The following MAN1B1 variants were observed in gnomAD, a reference collection of about 807,000 sequenced individuals.
MAN1B1 encodes endoplasmic reticulum mannosyl-oligosaccharide 1,2-alpha-mannosidase.
A neutral mutation model predicts 75.5 loss-of-function variants in MAN1B1; 66 were observed. The ratio of observed to expected loss-of-function variants is 0.87; its 90% CI spans 0.72 to 1.07. MAN1B1 has a LOEUF of 1.07. Ranked by LOEUF, MAN1B1 falls within the 50% of genes least tolerant of loss-of-function variation. The probability of loss-of-function intolerance (pLI) is 0.00; values close to 1 mark genes in which losing one functional copy is unlikely to be tolerated. For synonymous variants in MAN1B1, 453 were observed against 382.8 expected (o/e 1.18, Z -2.14); for missense variants, 973 against 912.5 (o/e 1.07, Z -0.85).
chr9:137,101,237 C>T, intron 7 of MAN1B1, 84 bp downstream of exon 7: 1 of 1,533,146 alleles, frequency 6.5e-7, no homozygotes, highest in Admixed American at 1.7e-5. Flanking sequence ...GGGGACGTGA[C>T]TGTCTTCCTG....
Position 137,101,586 on chromosome 9 carries a change from A to G in MAN1B1, c.1168A>G (p.Thr390Ala), listed in dbSNP as rs775798237. The G allele has an allele frequency of 1.9e-6, 3 of 1,613,818 alleles. No homozygotes were observed. The highest frequency in any genetic ancestry group is 2.5e-6 in the Non-Finnish European group (3 of 1,180,040). ...GTGVAHPPRW[T>A]SDSTVAEVTS... is the part of the protein sequence containing the mutation. ...TGGAGTTGCCCACCCGCCACGGTGGACCTCCGACAGCACTGTGGCCGAGGT... is the reference window on the plus strand; with the variant it reads ...TGGAGTTGCCCACCCGCCACGGTGGGCCTCCGACAGCACTGTGGCCGAGGT... The change falls in exon 8 of 13, where the codon ACC becomes GCC. Residue 390 changes from threonine (T) to alanine (A), a missense_variant. Coordinates refer to ENST00000371589, the MANE Select transcript of MAN1B1 (RefSeq NM_016219.5).
intron 1 of MAN1B1, chr9:137,087,519 C>G (rs1038169674): frequency 2.1e-5 from 13 of 614,728 alleles, no homozygotes; most frequent in South Asian, 2.0e-4. Flanking sequence ...GGCGCCTGCC[C>G]CTCTTGGAGC....
chr9:137,093,666 TAA>T (rs1830574717), intron 3 of MAN1B1, among the ~76,000 whole-genome samples: 1 of 151,818 alleles, frequency 6.6e-6, no homozygotes, highest in Non-Finnish European at 1.5e-5. Context: ...CCGTCTCTAC[TAA>T]AAATACAAAA....
chr9:137,101,523 C>A lies in MAN1B1; in HGVS notation c.1105C>A (p.Pro369Thr). The change falls in exon 8 of 13, where the codon CCA becomes ACA. Residue 369 changes from proline (P) to threonine (T), a missense_variant. Coordinates refer to ENST00000371589, the MANE Select transcript of MAN1B1 (RefSeq NM_016219.5). Reference sequence around the variant, plus strand: ...TCGGCTAATGCCTGCCTTCAGAACACCATCCAAGATTCCTTACTCGGATGT... The same window carrying A: ...TCGGCTAATGCCTGCCTTCAGAACAACATCCAAGATTCCTTACTCGGATGT... ...GNRLMPAFRT[P>T]SKIPYSDVNI... 6.2e-7 allele frequency: 1 copy of A among 1,613,922 alleles called. No homozygotes were observed. The highest frequency in any genetic ancestry group is 8.5e-7 in the Non-Finnish European group (1 of 1,180,038).
intron 12 of MAN1B1, 34 bp from the exon 13 acceptor site, chr9:137,108,354 C>G (rs1479335734): frequency 5.1e-6 from 8 of 1,581,720 alleles, no homozygotes; most frequent in Admixed American, 3.3e-5. Flanking sequence ...CAGGGTGCCC[C>G]CCGTGTGGTG....
At chr9:137,102,365 G>C (rs1299060251) in intron 8 of MAN1B1, 1 of 374,454 alleles carries the variant, frequency 2.7e-6, no homozygotes, top group Non-Finnish European at 5.1e-6. Context: ...TTACATTCAC[G>C]CTGTTGCAGA....
At chr9:137,100,341 G>A (rs1017030942) in intron 6 of MAN1B1, among the ~76,000 whole-genome samples, 2 of 152,216 alleles carry the variant, frequency 1.3e-5, no homozygotes, top group Non-Finnish European at 2.9e-5. Context: ...TAAACGACGT[G>A]TGTAATTTTT....
At chr9:137,094,748 C>T (rs544242940) in intron 3 of MAN1B1, among the ~76,000 whole-genome samples, 365 of 151,886 alleles carry the variant, frequency 2.4e-3, no homozygotes, top group African/African-American at 8.0e-3. Context: ...GGAGTGGTGG[C>T]GGGCGCCTGT....
In MAN1B1 at chr9:137,109,107, C is replaced by G; in HGVS notation, c.*516C>G. On this transcript the variant is annotated 3_prime_UTR_variant, in exon 13 of 13. Coordinates refer to ENST00000371589, the MANE Select transcript of MAN1B1 (RefSeq NM_016219.5). ...CCCGCAGGGGGCTTGGAGGGCTGGA[C>G]GGCAAGTCCGTCTAGCTCACGGGCC... 2.2e-6 allele frequency: 1 copy of G among 455,244 alleles called. No homozygotes were observed. Among genetic ancestry groups the G allele is most frequent in the South Asian group, 1.6e-5 (1 of 64,490 alleles). 28.2% of individuals were successfully genotyped at this position (455,244 alleles called of 1,614,324 possible).
intron 1 of MAN1B1, chr9:137,087,662 CGCCTGGGCGGT>C: frequency 2.5e-6 from 1 of 404,236 alleles, no homozygotes; most frequent in Non-Finnish European, 4.7e-6. Context: ...GACTGTGCAT[CGCCTGGGCGGT>C]GCCTGGGCTA....
chr9:137,107,674 T>C lies in MAN1B1; in HGVS notation c.1896+12T>C. The C allele has an allele frequency of 6.2e-7, 1 of 1,609,624 alleles. No homozygotes were observed. Among genetic ancestry groups the C allele is most frequent in the Non-Finnish European group, 8.5e-7 (1 of 1,179,908 alleles). ...GCCGATTCACACGGGTGAGCACCTG[T>C]CCTCGCCCCGCGTGGTCACGGCCAC... On this transcript the variant is annotated intron_variant, in intron 12 of 12. Coordinates refer to ENST00000371589, the MANE Select transcript of MAN1B1 (RefSeq NM_016219.5).
At position 137,107,684 on chromosome 9, in the gene MAN1B1, G is replaced by T. The variant is rs117994893; in HGVS notation, c.1896+22G>T. On this transcript the variant is annotated intron_variant, in intron 12 of 12. Coordinates refer to ENST00000371589, the MANE Select transcript of MAN1B1 (RefSeq NM_016219.5). ...ACGGGTGAGCACCTGTCCTCGCCCCGCGTGGTCACGGCCACCGGGCCACAG... is the reference window on the plus strand; with the variant it reads ...ACGGGTGAGCACCTGTCCTCGCCCCTCGTGGTCACGGCCACCGGGCCACAG... The T allele has an allele frequency of 8.0e-5, 128 of 1,609,990 alleles. No individual in the cohort carries two copies. The East Asian group carries it at 2.8e-3, about 35-fold the overall frequency.
At chr9:137,091,855 A>G (rs1323651090) in intron 3 of MAN1B1, among the ~76,000 whole-genome samples, 1 of 152,140 alleles carries the variant, frequency 6.6e-6, no homozygotes, top group African/African-American at 2.4e-5. Context: ...ATGAGGTCTC[A>G]CTATGTTGCC....
At chr9:137,102,864 G>T in intron 8 of MAN1B1, 3 of 430,992 alleles carry the variant, frequency 7.0e-6, no homozygotes, top group South Asian at 4.8e-5. Flanking sequence ...GTGCAGGTCG[G>T]TGGTGTTACA....
intron 12 of MAN1B1, 199 bp from the exon 13 acceptor site, chr9:137,108,189 T>A (rs1219331067): frequency 1.6e-6 from 1 of 629,788 alleles, no homozygotes; most frequent in Non-Finnish European, 2.8e-6. Flanking sequence ...TCGTGGTCAC[T>A]TGAGGGTTGT....
In MAN1B1 at chr9:137,087,032, T is replaced by C. The variant is rs768434319; in HGVS notation, c.33T>C (p.Ala11=). 10 of 1,602,436 alleles carry C rather than the reference T, an allele frequency of 6.2e-6. No individual in the cohort carries two copies. In the Admixed American group the frequency reaches 6.9e-5, roughly 11 times the overall value. Residue 11 remains alanine, a synonymous_variant, in exon 1 of 13, where the codon GCT becomes GCC. Transcript: ENST00000371589. MAACEGRRSG[A]LGSSQSDFLT... Reference sequence around the variant, plus strand: ...CCTGCGAGGGCAGGAGAAGCGGAGCTCTCGGTTCCTCTCAGTCGGACTTCC... The same window carrying C: ...CCTGCGAGGGCAGGAGAAGCGGAGCCCTCGGTTCCTCTCAGTCGGACTTCC...
chr9:137,098,278 C>G (rs999907743), intron 5 of MAN1B1, among the ~76,000 whole-genome samples: 9 of 152,256 alleles, frequency 5.9e-5, no homozygotes, highest in Non-Finnish European at 1.3e-4. Context: ...CCACTTCATT[C>G]TCAGCACCGT....
chr9:137,090,076 G>A (rs1364438662), intron 3 of MAN1B1, among the ~76,000 whole-genome samples: 3 of 152,086 alleles, frequency 2.0e-5, no homozygotes, highest in Non-Finnish European at 2.9e-5. Flanking sequence ...GAGGGCAGGG[G>A]GAGTGGAGAC....
At chr9:137,107,103 C>A in intron 10 of MAN1B1, 147 bp from the exon 11 acceptor site, 1 of 883,286 alleles carries the variant, frequency 1.1e-6, no homozygotes, top group Non-Finnish European at 1.7e-6. Context: ...GGCAGCTCCG[C>A]TGTTCCATGC....
Sources: allele counts gnomAD v4.1 joint callset (sites outside exome capture counted in the v4.1 genomes callset), GRCh38; gene constraint gnomAD v4.1.1; transcripts MANE v1.5; gene names NCBI Gene and HGNC (gene_info 2026-07-23, HGNC 2026-07-21).